Variants in LAMA3 observed in about 807,000 individuals in gnomAD.
LAMA3 encodes laminin subunit alpha 3.
LAMA3 carries 281 observed loss-of-function variants against 402.0 expected under a neutral mutation model. The ratio of observed to expected loss-of-function variants is 0.70; its 90% CI spans 0.63 to 0.77. The LOEUF (loss-of-function observed/expected upper bound fraction) is 0.77, where lower values mean the gene tolerates loss of function less well. LAMA3 is among the 30% of genes least tolerant of loss of function. LAMA3 has a pLI of 0.00. For synonymous variants in LAMA3, 1,431 were observed against 1,558.4 expected, an observed-to-expected ratio of 0.92 and a Z score of 1.93; for missense variants, 3,840 against 4,215.5, an observed-to-expected ratio of 0.91 and a Z score of 2.47.
At chr18:23,911,963 CATTT>C (rs969252390) in intron 55 of LAMA3, among the ~76,000 whole-genome samples, 1 of 140,050 alleles carries the variant, frequency 7.1e-6, no homozygotes, top group African/African-American at 2.6e-5. Flanking sequence ...ATAATTTATG[CATTT>C]ATTATATATT....
At chr18:23,897,746 C>T (rs1302354151) in intron 44 of LAMA3, among the ~76,000 whole-genome samples, 2 of 152,204 alleles carry the variant, frequency 1.3e-5, no homozygotes, top group Non-Finnish European at 2.9e-5. Context: ...ATAGAACTAT[C>T]TTCTTGCTGT....
intron 8 of LAMA3, among the ~76,000 whole-genome samples, chr18:23,768,446 C>T (rs778770551): frequency 2.6e-5 from 4 of 152,220 alleles, no homozygotes; most frequent in African/African-American, 2.4e-5. Flanking sequence ...GAGATATCAT[C>T]TCACACCAGC....
Position 23,719,596 on chromosome 18 carries a change from C to T in LAMA3, c.447+5524C>T, listed in dbSNP as rs564352211. 1.4e-4 allele frequency among the ~76,000 whole-genome samples: 22 copies of T among 152,122 alleles called. No homozygotes were observed. The South Asian group carries it at 4.6e-3, about 32-fold the overall frequency. On this transcript the variant is annotated intron_variant, in intron 2 of 74. Transcript: ENST00000313654. ...ATGAATTCATCACAGACAGTGAACT[C>T]CCCAGGAGCCAGATGCAAATACAGG...
At chr18:23,857,331 C>T (rs2064105482) in intron 32 of LAMA3, among the ~76,000 whole-genome samples, 1 of 152,180 alleles carries the variant, frequency 6.6e-6, no homozygotes, top group Admixed American at 6.5e-5. Flanking sequence ...GACATCTGCC[C>T]CAGCAGCACC....
At chr18:23,735,453 C>A (rs147185454) in intron 2 of LAMA3, among the ~76,000 whole-genome samples, 1 of 152,144 alleles carries the variant, frequency 6.6e-6, no homozygotes, top group Admixed American at 6.6e-5. Context: ...TCGTTCCTAG[C>A]GTGTTGTGAG....
intron 44 of LAMA3, 198 bp from the exon 45 acceptor site, chr18:23,898,540 C>G (rs1257897722): frequency 6.7e-6 from 4 of 597,954 alleles, no homozygotes; most frequent in East Asian, 2.8e-5. Flanking sequence ...ACATTTGCTA[C>G]TTTATTTTAG....
intron 8 of LAMA3, among the ~76,000 whole-genome samples, chr18:23,770,983 G>T (rs941681421): frequency 6.6e-6 from 1 of 151,840 alleles, no homozygotes; most frequent in Non-Finnish European, 1.5e-5. Flanking sequence ...AATGCAGAAT[G>T]GTACAACTAC....
intron 11 of LAMA3, among the ~76,000 whole-genome samples, chr18:23,778,696 C>T (rs913944793): frequency 6.6e-6 from 1 of 152,210 alleles, no homozygotes; most frequent in Non-Finnish European, 1.5e-5. Context: ...CCTGAGTTTG[C>T]CTCTCCTACC....
At chr18:23,848,535 G>A (rs1365186107) in intron 32 of LAMA3, among the ~76,000 whole-genome samples, 2 of 152,160 alleles carry the variant, frequency 1.3e-5, no homozygotes, top group Non-Finnish European at 2.9e-5. Context: ...AGGCCAGGAT[G>A]GCAGCGTGCA....
At chr18:23,833,777 C>T (rs1222027266) in intron 23 of LAMA3, 51 bp from the exon 24 acceptor site, 3 of 1,601,846 alleles carry the variant, frequency 1.9e-6, no homozygotes, top group African/African-American at 1.3e-5. Context: ...CAAGTGTGGC[C>T]TGTACATGTC....
chr18:23,861,801 G>A lies in LAMA3; in HGVS notation c.4578G>A (p.Gly1526=), dbSNP rs369931724. The A allele has an allele frequency of 1.2e-6, 2 of 1,612,350 alleles. No homozygotes were observed. Among genetic ancestry groups the A allele is most frequent in the Non-Finnish European group, 1.7e-6 (2 of 1,179,222 alleles). ...GGGTCGCACCCACCTCCTACCTGGG[G>A]GACAAGGTAATGATGTCCTGCTGTT... The part of the protein sequence containing the change: ...ASWVAPTSYL[G]DKVSSYGGYL... Residue 1526 remains glycine, a synonymous_variant, in exon 35 of 75, where the codon GGG becomes GGA. Coordinates refer to ENST00000313654, the MANE Select transcript of LAMA3 (RefSeq NM_198129.4).
intron 20 of LAMA3, among the ~76,000 whole-genome samples, 163 bp downstream of exon 20, chr18:23,822,538 A>T (rs2063306759): frequency 6.6e-6 from 1 of 152,226 alleles, no homozygotes; most frequent in Admixed American, 6.5e-5. Flanking sequence ...GTTACCTTGC[A>T]TTCTCTAAAC....
chr18:23,748,338 T>C (rs1482774370), intron 3 of LAMA3, among the ~76,000 whole-genome samples: 1 of 151,048 alleles, frequency 6.6e-6, no homozygotes, highest in African/African-American at 2.4e-5. Context: ...GGATTATCAC[T>C]TGAACCCAGG....
chr18:23,704,429 G>A (rs1345141990), intron 1 of LAMA3, among the ~76,000 whole-genome samples: 1 of 152,246 alleles, frequency 6.6e-6, no homozygotes, highest in East Asian at 1.9e-4. Context: ...ACCTAGCTGT[G>A]TGGTTTGAGA....
chr18:23,698,414 A>G (rs928124681), intron 1 of LAMA3, among the ~76,000 whole-genome samples: 11 of 151,958 alleles, frequency 7.2e-5, no homozygotes, highest in Non-Finnish European at 1.5e-4. Flanking sequence ...ACCGTGTTAG[A>G]CAGGATGGTC....
intron 12 of LAMA3, among the ~76,000 whole-genome samples, chr18:23,802,609 C>T (rs117434817): frequency 1.3e-5 from 2 of 152,306 alleles, no homozygotes; most frequent in East Asian, 3.9e-4. Context: ...AACCATGTAG[C>T]AGTCTTAACT....
In LAMA3 at chr18:23,950,160, G is replaced by A. The variant is rs780861460; in HGVS notation, c.9642+1G>A. On this transcript the variant is annotated splice_donor_variant, in intron 72 of 74. Transcript: ENST00000313654. LOFTEE classifies it high-confidence loss of function. ...ATGTGTTTACCTGGAGGCAGGAAAGGTGTGTAGCAGTCTGATGCCATGGGG... is the reference window on the plus strand; with the variant it reads ...ATGTGTTTACCTGGAGGCAGGAAAGATGTGTAGCAGTCTGATGCCATGGGG... 4 of 1,614,034 alleles carry A rather than the reference G, an allele frequency of 2.5e-6. No individual in the cohort carries two copies. Among genetic ancestry groups the A allele is most frequent in the Non-Finnish European group, 1.7e-6 (2 of 1,179,966 alleles).
chr18:23,795,671 G>T (rs1404872617), intron 12 of LAMA3, among the ~76,000 whole-genome samples: 2 of 151,808 alleles, frequency 1.3e-5, no homozygotes, highest in Non-Finnish European at 2.9e-5. Flanking sequence ...TAATAGAAAA[G>T]TCCGGGCATA....
chr18:23,745,597 ATACCTGCAAGGTG>A (rs1250865333), intron 2 of LAMA3, among the ~76,000 whole-genome samples: 1 of 152,202 alleles, frequency 6.6e-6, no homozygotes, highest in Non-Finnish European at 1.5e-5. Flanking sequence ...GAGTGTTTTT[ATACCTGCAAGGTG>A]TGGGTTTGTT....
Sources: gnomAD v4.1 joint callset for allele counts (sites outside exome capture counted in the v4.1 genomes callset) on GRCh38, gnomAD v4.1.1 for gene constraint, MANE v1.5 for transcripts, NCBI Gene and HGNC (gene_info 2026-07-23, HGNC 2026-07-21) for gene names.